The following HACE1 variants were observed in gnomAD, a reference collection of about 807,000 sequenced individuals.
HACE1 encodes the protein HECT domain and ankyrin repeat containing E3 ubiquitin protein ligase 1.
In HACE1, 73 loss-of-function variants were observed where a neutral mutation model predicts 118.4. The ratio of observed to expected loss-of-function variants is 0.62; its 90% CI spans 0.51 to 0.75. HACE1 has a LOEUF of 0.75. HACE1 is among the 30% of genes least tolerant of loss of function. The pLI is 0.00. For missense variants in HACE1, 749 were observed against 1,102.2 expected (o/e 0.68, Z 4.54); for synonymous variants, 368 against 374.8 (o/e 0.98, Z 0.21).
At chr6:104,853,865 C>A (rs1776471093) in intron 1 of HACE1, among the ~76,000 whole-genome samples, 1 of 152,030 alleles carries the variant, frequency 6.6e-6, no homozygotes, top group Non-Finnish European at 1.5e-5. Context: ...ATGGATAGTA[C>A]CAAACCCTAT....
At chr6:104,837,546 A>G (rs984475830) in intron 5 of HACE1, among the ~76,000 whole-genome samples, 1 of 152,222 alleles carries the variant, frequency 6.6e-6, no homozygotes, top group Non-Finnish European at 1.5e-5. Context: ...ACTTGTAGAA[A>G]AAAATATATG....
intron 1 of HACE1, 148 bp from the exon 2 acceptor site, chr6:104,852,519 T>C (rs974786415): frequency 1.1e-5 from 7 of 617,728 alleles, no homozygotes; most frequent in Non-Finnish European, 2.0e-5. Context: ...ACCAGAGGTA[T>C]TTCAGAATTT....
intron 1 of HACE1, 186 bp downstream of exon 1, chr6:104,859,381 G>A (rs1283058823): frequency 3.7e-6 from 2 of 533,910 alleles, no homozygotes; most frequent in Non-Finnish European, 6.5e-6. Flanking sequence ...ACTCCCACCT[G>A]CCGGGGTGGG....
chr6:104,776,990 A>G (rs370140321), intron 16 of HACE1, 23 bp downstream of exon 16: 4 of 1,473,836 alleles, frequency 2.7e-6, no homozygotes, highest in Non-Finnish European at 3.8e-6. Flanking sequence ...AGTGATTTCT[A>G]CATCATCTTC....
chr6:104,750,307 G>GAAC (rs750132370), intron 20 of HACE1, 34 bp downstream of exon 20: 2 of 1,576,410 alleles, frequency 1.3e-6, no homozygotes, highest in African/African-American at 2.7e-5. Flanking sequence ...TTTTGTTGTT[G>GAAC]TGTTACAACA....
intron 22 of HACE1, among the ~76,000 whole-genome samples, chr6:104,740,093 G>C (rs1417161967): frequency 6.6e-6 from 1 of 151,388 alleles, no homozygotes; most frequent in Non-Finnish European, 1.5e-5. Context: ...AATGAAGGCA[G>C]AAATAAAGAT....
chr6:104,846,596 C>T (rs1199306767), intron 4 of HACE1, among the ~76,000 whole-genome samples: 3 of 152,094 alleles, frequency 2.0e-5, no homozygotes, highest in Non-Finnish European at 4.4e-5. Flanking sequence ...GAGAAAAATG[C>T]TAAAGCAAGC....
intron 3 of HACE1, among the ~76,000 whole-genome samples, chr6:104,850,130 A>G (rs1157529598): frequency 6.6e-6 from 1 of 151,850 alleles, no homozygotes; most frequent in Admixed American, 6.6e-5. Flanking sequence ...TTGTATTTTT[A>G]GTAGAGATGG....
At chr6:104,795,046 G>A (rs1582505513) in intron 10 of HACE1, among the ~76,000 whole-genome samples, 1 of 152,112 alleles carries the variant, frequency 6.6e-6, no homozygotes, top group African/African-American at 2.4e-5. Flanking sequence ...AGAAAGAAGT[G>A]TAGCTACAGG....
chr6:104,794,336 A>G (rs1347999041), intron 10 of HACE1, among the ~76,000 whole-genome samples: 2 of 152,234 alleles, frequency 1.3e-5, no homozygotes, highest in Non-Finnish European at 2.9e-5. Context: ...AGAAGAAAAA[A>G]TAAGTTTTCT....
chr6:104,859,336 A>C (rs1175338313), intron 1 of HACE1: 2 of 500,586 alleles, frequency 4.0e-6, no homozygotes, highest in Non-Finnish European at 7.0e-6. Flanking sequence ...TCCTCCCAGC[A>C]GCGGAACCCC....
chr6:104,839,145 G>A (rs9486022), intron 5 of HACE1, among the ~76,000 whole-genome samples: 4,809 of 152,238 alleles, frequency 0.032, 243 homozygotes, highest in African/African-American at 0.11. Flanking sequence ...ATCATATGTT[G>A]TTGGTGGGAA....
chr6:104,785,407 T>C (rs1782277801), intron 11 of HACE1, 88 bp from the exon 12 acceptor site: 3 of 775,360 alleles, frequency 3.9e-6, no homozygotes, highest in Admixed American at 2.3e-5. Context: ...ACAAATATTA[T>C]AGAAGAGAAA....
intron 4 of HACE1, among the ~76,000 whole-genome samples, chr6:104,846,538 G>C (rs1269281579): frequency 6.6e-6 from 1 of 152,140 alleles, no homozygotes; most frequent in Non-Finnish European, 1.5e-5. Context: ...AAGCTTAATG[G>C]GGCTTCTTTT....
Position 104,852,341 on chromosome 6 carries a change from G to A in HACE1, c.107C>T (p.Pro36Leu), listed in dbSNP as rs763431334. 11 of 1,609,122 alleles carry A rather than the reference G, an allele frequency of 6.8e-6. No individual in the cohort carries two copies. In the African/African-American group the frequency reaches 1.1e-4, roughly 16 times the overall value. ...DNETAVYTLM[P>L]MVMADQHRSV... ...CCTGTGTTGATCAGCCATAACCATT[G>A]GCATTAATGTATAAACAGCAGTTTC... Residue 36 changes from proline (P) to leucine (L), a missense_variant, in exon 2 of 24, where the codon CCA (proline) becomes CTA (leucine). Pro to Leu is a moderately conservative substitution (Grantham distance 98). Around this residue, in one of 5 missense-constraint regions of HACE1, gnomAD observed 120 missense variants for 219.1 expected, o/e 0.55. Coordinates refer to ENST00000262903, the MANE Select transcript of HACE1 (RefSeq NM_020771.4).
At chr6:104,791,926 T>C (rs1049749312) in intron 10 of HACE1, among the ~76,000 whole-genome samples, 3 of 152,176 alleles carry the variant, frequency 2.0e-5, no homozygotes, top group African/African-American at 4.8e-5. Flanking sequence ...TTTAGAATAG[T>C]TGGTTTCTTG....
chr6:104,784,205 G>A (rs763638109), intron 13 of HACE1, 32 bp from the exon 14 acceptor site: 6 of 1,197,566 alleles, frequency 5.0e-6, no homozygotes, highest in Non-Finnish European at 7.5e-6. Flanking sequence ...TAAATGGACA[G>A]GAAGAATGAG....
chr6:104,825,924 C>CCTCTAGATAATGTGTTATGCA (rs1773282446), intron 6 of HACE1, among the ~76,000 whole-genome samples: 1 of 152,180 alleles, frequency 6.6e-6, no homozygotes, highest in Non-Finnish European at 1.5e-5. Context: ...GCTATGCCCT[C>CCTCTAGATAATGTGTTATGCA]CTCTAGATAA....
Position 104,832,065 on chromosome 6 carries a change from T to C in HACE1, c.534+977A>G, listed in dbSNP as rs1384949631. 2.6e-5 allele frequency among the ~76,000 whole-genome samples: 4 copies of C among 151,584 alleles called. No homozygotes were observed. In the East Asian group the frequency reaches 7.8e-4, roughly 30 times the overall value. ...AAGAAAAAGAAAGAAAAGAAAGAACTGTTACTTGTACCATACACAATGCAA... is the reference window on the plus strand; with the variant it reads ...AAGAAAAAGAAAGAAAAGAAAGAACCGTTACTTGTACCATACACAATGCAA... On this transcript the variant is annotated intron_variant, in intron 6 of 23. Coordinates refer to ENST00000262903, the MANE Select transcript of HACE1 (RefSeq NM_020771.4).
Sources: allele counts gnomAD v4.1 joint callset (sites outside exome capture counted in the v4.1 genomes callset), GRCh38; gene constraint gnomAD v4.1.1; regional missense constraint gnomAD v4.1.1; transcripts MANE v1.5; gene names NCBI Gene and HGNC (gene_info 2026-07-23, HGNC 2026-07-21).